SLC7A8: variants seen among roughly 807,000 people sequenced by gnomAD.
SLC7A8 encodes large neutral amino acids transporter small subunit 2.
SLC7A8 carries 30 observed loss-of-function variants against 51.2 expected under a neutral mutation model. That is an observed-to-expected ratio of 0.59 (90% confidence interval 0.44 to 0.80). SLC7A8 has a LOEUF of 0.80. Among genes scored for constraint, SLC7A8 ranks in the 30% least tolerant of loss-of-function variants. The pLI is 0.00. For synonymous variants in SLC7A8, 257 were observed against 275.8 expected, an observed-to-expected ratio of 0.93 and a Z score of 0.67; for missense variants, 612 against 674.4, an observed-to-expected ratio of 0.91 and a Z score of 1.03.
At position 23,131,505 on chromosome 14, in the gene SLC7A8, T is replaced by A. The variant is rs1254814225; in HGVS notation, c.1069A>T (p.Ile357Phe). 1 of 1,609,376 alleles carries A rather than the reference T, an allele frequency of 6.2e-7. No homozygotes were observed. The highest frequency in any genetic ancestry group is 1.1e-5 in the South Asian group (1 of 90,438). The part of the protein sequence containing the change: ...EGHLPSVLAM[I>F]HVKRCTPIPA... ...ATTGGGGTGCAGCGCTTCACGTGGA[T>A]CATGGCCAACACACTGGGAAGGTGG... The change falls in exon 8 of 11, where the codon ATC becomes TTC. Residue 357 changes from isoleucine (I) to phenylalanine (F), a missense_variant. Physicochemically the swap from Ile to Phe is conservative, Grantham distance 21 (BLOSUM62 0). Coordinates refer to ENST00000316902, the MANE Select transcript of SLC7A8 (RefSeq NM_012244.4).
At chr14:23,160,503 A>G (rs1279190778) in intron 3 of SLC7A8, among the ~76,000 whole-genome samples, 21 of 150,658 alleles carry the variant, frequency 1.4e-4, no homozygotes, top group African/African-American at 4.7e-4. Flanking sequence ...CCCGGGAGGC[A>G]GAGCTTGCAG....
At chr14:23,167,708 G>C (rs1411098491) in intron 1 of SLC7A8, among the ~76,000 whole-genome samples, 2 of 152,132 alleles carry the variant, frequency 1.3e-5, no homozygotes, top group African/African-American at 4.8e-5. Context: ...GCTCTGCCCA[G>C]CTGCACTGCT....
chr14:23,127,909 G>A (rs2048592969), intron 10 of SLC7A8, 110 bp downstream of exon 10: 3 of 922,746 alleles, frequency 3.3e-6, no homozygotes, highest in Non-Finnish European at 5.0e-6. Flanking sequence ...GTGGACTGAG[G>A]AGAAGGTGAG....
intron 7 of SLC7A8, among the ~76,000 whole-genome samples, chr14:23,132,598 A>AC (rs1026078322): frequency 5.3e-5 from 8 of 150,414 alleles, no homozygotes; most frequent in African/African-American, 2.0e-4. Context: ...AAACAAAAAA[A>AC]CCCCCACAAA....
At chr14:23,139,317 A>G in intron 6 of SLC7A8, 107 bp downstream of exon 6, 2 of 1,558,676 alleles carry the variant, frequency 1.3e-6, no homozygotes, top group Non-Finnish European at 1.8e-6. Flanking sequence ...CTTGGGGGTG[A>G]TTTCCACTTC....
intron 3 of SLC7A8, among the ~76,000 whole-genome samples, chr14:23,157,394 C>G (rs1007574414): frequency 2.6e-5 from 4 of 152,206 alleles, no homozygotes; most frequent in Non-Finnish European, 4.4e-5. Flanking sequence ...TCTTATTCCC[C>G]TCACCAATCC....
Position 23,138,531 on chromosome 14 carries a change from G to T in SLC7A8, c.913-507C>A, listed in dbSNP as rs945375599. On this transcript the variant is annotated intron_variant, in intron 6 of 10. Coordinates refer to ENST00000316902, the MANE Select transcript of SLC7A8 (RefSeq NM_012244.4). ...CAAAGTTTATGATTTTTGAGCCTCT[G>T]TCTCCAACTGCAAAATAGGGATTAA... Among the ~76,000 whole-genome samples, 6 of 15,298 alleles carry T rather than the reference G, an allele frequency of 3.9e-4. No homozygotes were observed. In the Admixed American group the frequency reaches 7.7e-3, roughly 20 times the overall value. 10.0% of individuals were successfully genotyped at this position (15,298 alleles called of 152,430 possible).
At chr14:23,179,566 G>A (rs1159035806) in intron 1 of SLC7A8, among the ~76,000 whole-genome samples, 1 of 151,560 alleles carries the variant, frequency 6.6e-6, no homozygotes, top group Non-Finnish European at 1.5e-5. Context: ...TCCCAGCACT[G>A]ATAGGCCGAG....
intron 1 of SLC7A8, among the ~76,000 whole-genome samples, chr14:23,169,618 G>T (rs1318764001): frequency 1.3e-5 from 2 of 152,002 alleles, no homozygotes; most frequent in Admixed American, 6.6e-5. Flanking sequence ...TGTTGGCCAG[G>T]CTGGTCTCGA....
In SLC7A8 at chr14:23,128,454, C is replaced by T; in HGVS notation, c.1264-258G>A. The T allele has an allele frequency of 8.0e-7, 1 of 1,254,218 alleles. No individual in the cohort carries two copies. Among genetic ancestry groups the T allele is most frequent in the African/African-American group, 1.5e-5 (1 of 67,540 alleles). The allele number at this position is 1,254,218 out of a possible 1,614,324, so 77.7% of individuals were successfully genotyped here. A position where few individuals can be genotyped will look rare whatever the true frequency, so the allele number is the denominator to read the frequency against. ...AGGAAACGATCCTCCTTGCCCATGT[C>T]CTCGCTCTTGGGTGTGGTTAGACAA... On this transcript the variant is annotated intron_variant, in intron 9 of 10. Coordinates refer to ENST00000316902, the MANE Select transcript of SLC7A8 (RefSeq NM_012244.4). The surrounding 1 kb of genome is among the most constrained non-coding windows in gnomAD (Gnocchi z 4.3).
intron 2 of SLC7A8, 60 bp downstream of exon 2, chr14:23,166,276 C>T: frequency 6.3e-7 from 1 of 1,578,040 alleles, no homozygotes; most frequent in East Asian, 2.2e-5. Context: ...AATCTGACCT[C>T]CTTCTGAATG....
chr14:23,142,601 G>A (rs1018910781), intron 4 of SLC7A8, among the ~76,000 whole-genome samples: 8 of 152,034 alleles, frequency 5.3e-5, no homozygotes, highest in African/African-American at 1.4e-4. Context: ...CCTGGGCTCA[G>A]GTGATCCTCC....
intron 6 of SLC7A8, 37 bp from the exon 7 acceptor site, chr14:23,138,061 T>A (rs986183795): frequency 1.9e-6 from 3 of 1,611,978 alleles, no homozygotes; most frequent in South Asian, 1.1e-5. Flanking sequence ...AAAGGAGAGG[T>A]CACCACTCCC....
chr14:23,155,183 G>A (rs956327636), intron 3 of SLC7A8: 29 of 1,535,604 alleles, frequency 1.9e-5, no homozygotes, highest in African/African-American at 9.6e-5. Context: ...TAGAAATCTC[G>A]GAACCCCCTC....
In SLC7A8 at chr14:23,153,962, A is replaced by G. The variant is rs896116747; in HGVS notation, c.509-10758T>C. Among the ~76,000 whole-genome samples the G allele has an allele frequency of 2.0e-5, 3 of 152,226 alleles. No individual in the cohort carries two copies. In the East Asian group the frequency reaches 5.8e-4, roughly 29 times the overall value. On this transcript the variant is annotated intron_variant, in intron 3 of 10. Coordinates refer to ENST00000316902, the MANE Select transcript of SLC7A8 (RefSeq NM_012244.4). The stretch of plus-strand genomic sequence containing the variant: ...GAAGAAGAGAGGGAAAGAGCACAAG[A>G]AACCACAGGGCGGGAGAGAGCAAGG...
intron 3 of SLC7A8, among the ~76,000 whole-genome samples, chr14:23,143,909 T>C (rs2048767484): frequency 6.6e-6 from 1 of 152,262 alleles, no homozygotes; most frequent in Non-Finnish European, 1.5e-5. Context: ...ATATAATATG[T>C]GGTCTTCTGT....
chr14:23,177,637 AG>A (rs1301081919), intron 1 of SLC7A8, among the ~76,000 whole-genome samples: 1 of 152,260 alleles, frequency 6.6e-6, no homozygotes, highest in East Asian at 1.9e-4. Context: ...CTAAATGGCC[AG>A]GAACTCTGTG....
At chr14:23,127,876 G>A in intron 10 of SLC7A8, 143 bp downstream of exon 10, 1 of 717,388 alleles carries the variant, frequency 1.4e-6, no homozygotes, top group East Asian at 2.7e-5. Flanking sequence ...TGCTTCCCCT[G>A]CTCTGGACTC....
Position 23,128,459 on chromosome 14 carries a change from C to A in SLC7A8, c.1264-263G>T. ...ACGATCCTCCTTGCCCATGTCCTCG[C>A]TCTTGGGTGTGGTTAGACAAGGCCT... On this transcript the variant is annotated intron_variant, in intron 9 of 10. Transcript: ENST00000316902. This position sits in a 1 kb window ranked among gnomAD's most constrained non-coding sequence, Gnocchi z 4.3. 1.7e-6 allele frequency: 2 copies of A among 1,210,582 alleles called. No individual in the cohort carries two copies. Among genetic ancestry groups the A allele is most frequent in the Non-Finnish European group, 2.3e-6 (2 of 877,544 alleles). The allele number at this position is 1,210,582 out of a possible 1,614,324, so 75.0% of individuals were successfully genotyped here.
Sources: gnomAD v4.1 joint callset for allele counts (sites outside exome capture counted in the v4.1 genomes callset) on GRCh38, gnomAD v4.1.1 for gene constraint, Gnocchi (gnomAD v3.1) non-coding constraint, MANE v1.5 for transcripts, NCBI Gene and HGNC (gene_info 2026-07-23, HGNC 2026-07-21) for gene names.